HEG1: variants seen among roughly 807,000 people sequenced by gnomAD.
HEG1 encodes protein HEG homolog 1.
A neutral mutation model predicts 125.6 loss-of-function variants in HEG1; 56 were observed. That is an observed-to-expected ratio of 0.45 (90% CI 0.36 to 0.56). The LOEUF is 0.56. HEG1 is among the 20% of genes least tolerant of loss of function. HEG1 has a pLI of 0.00. For synonymous variants in HEG1, 644 were observed against 668.5 expected (o/e 0.96, Z 0.57); for missense variants, 1,523 against 1,670.0 (o/e 0.91, Z 1.53).
chr3:125,015,810 C>G (rs1202834076), intron 5 of HEG1, among the ~76,000 whole-genome samples: 2 of 151,706 alleles, frequency 1.3e-5, no homozygotes, highest in African/African-American at 4.8e-5. Flanking sequence ...ACCCAAAAAA[C>G]AAAAAACAGG....
At chr3:125,002,057 G>C in intron 10 of HEG1, 45 bp from the exon 11 acceptor site, 1 of 1,606,768 alleles carries the variant, frequency 6.2e-7, no homozygotes, top group Middle Eastern at 1.7e-4. Context: ...GAAATGACAC[G>C]TGGGTCCCAA....
chr3:125,041,140 G>A (rs556168607), intron 1 of HEG1, among the ~76,000 whole-genome samples: 1 of 152,304 alleles, frequency 6.6e-6, no homozygotes, highest in Admixed American at 6.5e-5. Flanking sequence ...AGATTGAGCA[G>A]AGAGAAGCTC....
intron 1 of HEG1, among the ~76,000 whole-genome samples, chr3:125,036,188 T>G (rs567066481): frequency 6.4e-5 from 7 of 109,950 alleles, no homozygotes; most frequent in Non-Finnish European, 1.2e-4. Flanking sequence ...CTAGCCTGGA[T>G]GACAAAGCAA....
chr3:125,055,902 C>T lies in HEG1; in HGVS notation c.-12G>A, dbSNP rs1579445396. On this transcript the variant is annotated 5_prime_UTR_variant, in exon 1 of 17. Coordinates refer to ENST00000311127, the MANE Select transcript of HEG1 (RefSeq NM_020733.2). ...CGCGGCGAGGCCATGGTGACGGCGC[C>T]CGCCCGCGCTCACATGCCCGGCGCG... 6.1e-6 allele frequency: 6 copies of T among 979,576 alleles called. No homozygotes were observed. The highest frequency in any genetic ancestry group is 1.3e-4 in the Admixed American group (2 of 15,742). The allele number at this position is 979,576 out of a possible 1,614,324, so 60.7% of individuals were successfully genotyped here.
chr3:124,965,994 A>G lies in HEG1; in HGVS notation c.*4658T>C, dbSNP rs1936302538. On this transcript the variant is annotated 3_prime_UTR_variant, in exon 17 of 17. Transcript: ENST00000311127. ...CAGCTAAATGCTTCATTTAACCGTC[A>G]ATCCACCAACACAAACATTAACAAA... 1 of 152,190 alleles carries G rather than the reference A, an allele frequency of 6.6e-6. No homozygotes were observed. The highest frequency in any genetic ancestry group is 2.1e-4 in the South Asian group (1 of 4,824). The allele number at this position is 152,190 out of a possible 1,614,324, so 9.4% of individuals were successfully genotyped here.
chr3:125,014,493 T>C (rs142349805), intron 5 of HEG1, among the ~76,000 whole-genome samples: 1 of 152,226 alleles, frequency 6.6e-6, no homozygotes, highest in African/African-American at 2.4e-5. Context: ...CAGCAAACAC[T>C]ATCCCAAATT....
chr3:125,015,013 CTAAA>C, intron 5 of HEG1: 1 of 1,233,400 alleles, frequency 8.1e-7, no homozygotes, highest in Non-Finnish European at 1.0e-6. Flanking sequence ...TCTTCCAAGG[CTAAA>C]AGTAGAGTGA....
chr3:125,018,315 T>C (rs1189445032), intron 5 of HEG1, among the ~76,000 whole-genome samples: 1 of 152,098 alleles, frequency 6.6e-6, no homozygotes. Flanking sequence ...ATGTCTAAAA[T>C]GGACAAATCT....
intron 1 of HEG1, among the ~76,000 whole-genome samples, chr3:125,030,064 C>T (rs962315759): frequency 6.6e-6 from 1 of 152,128 alleles, no homozygotes; most frequent in African/African-American, 2.4e-5. Context: ...GGAAGAGCAA[C>T]TGAACCTCTG....
chr3:124,974,889 G>GGTACCT (rs1436246366), intron 15 of HEG1, among the ~76,000 whole-genome samples: 1 of 152,160 alleles, frequency 6.6e-6, no homozygotes, highest in Non-Finnish European at 1.5e-5. Context: ...TGGTGGGTGG[G>GGTACCT]GTACCTGGGC....
chr3:125,006,856 A>G (rs2107698142), intron 8 of HEG1, among the ~76,000 whole-genome samples: 1 of 152,254 alleles, frequency 6.6e-6, no homozygotes, highest in Admixed American at 6.5e-5. Context: ...CTGCTTCTTC[A>G]CTTTCTCATC....
intron 1 of HEG1, among the ~76,000 whole-genome samples, chr3:125,046,773 G>A (rs1937678675): frequency 6.6e-6 from 1 of 152,182 alleles, no homozygotes; most frequent in South Asian, 2.1e-4. Flanking sequence ...ACACAAGGGA[G>A]TTGCTCATGT....
chr3:124,978,055 G>A (rs982758170), intron 14 of HEG1, 109 bp from the exon 15 acceptor site: 6 of 737,244 alleles, frequency 8.1e-6, no homozygotes, highest in Non-Finnish European at 1.1e-5. Context: ...TGCCTTGAGG[G>A]GTGCCCTCGC....
intron 8 of HEG1, among the ~76,000 whole-genome samples, chr3:125,006,568 C>T (rs532630874): frequency 2.4e-4 from 36 of 152,296 alleles, no homozygotes; most frequent in African/African-American, 7.9e-4. Context: ...CTGTCTAAAG[C>T]GCTTAATCCT....
intron 11 of HEG1, among the ~76,000 whole-genome samples, chr3:125,000,482 A>G (rs1226539861): frequency 1.3e-5 from 2 of 152,248 alleles, no homozygotes; most frequent in African/African-American, 2.4e-5. Flanking sequence ...AATCCTTGTC[A>G]AGAGAAACAA....
At chr3:124,974,042 T>G (rs1283901219) in intron 15 of HEG1, 137 bp from the exon 16 acceptor site, 5 of 618,512 alleles carry the variant, frequency 8.1e-6, no homozygotes, top group East Asian at 2.8e-5. Flanking sequence ...CTGAGTAGTA[T>G]TATTATTGTT....
At chr3:124,985,384 T>C (rs1936721271) in intron 14 of HEG1, among the ~76,000 whole-genome samples, 2 of 152,238 alleles carry the variant, frequency 1.3e-5, no homozygotes, top group Admixed American at 6.5e-5. Context: ...TGCTATATTG[T>C]TATTTTTTAA....
intron 5 of HEG1, 39 bp downstream of exon 5, chr3:125,019,220 TCTC>T (rs1360532635): frequency 8.6e-6 from 13 of 1,508,870 alleles, no homozygotes; most frequent in Non-Finnish European, 1.1e-5. Flanking sequence ...TGAGTCCCTC[TCTC>T]CTCTATGGGG....
chr3:124,973,274 A>T (rs1265117254), intron 16 of HEG1, among the ~76,000 whole-genome samples: 1 of 152,130 alleles, frequency 6.6e-6, no homozygotes, highest in Admixed American at 6.6e-5. Flanking sequence ...GACTCACAAG[A>T]TCTGCCCACC....
Sources: gnomAD v4.1 joint callset for allele counts (sites outside exome capture counted in the v4.1 genomes callset) on GRCh38, gnomAD v4.1.1 for gene constraint, MANE v1.5 for transcripts, NCBI Gene and HGNC (gene_info 2026-07-23, HGNC 2026-07-21) for gene names.